PRKAG2: variants seen among roughly 807,000 people sequenced by gnomAD.
PRKAG2 encodes the protein protein kinase AMP-activated non-catalytic subunit gamma 2, also known as 5'-AMP-activated protein kinase subunit gamma-2.
Under a neutral mutation model 69.6 loss-of-function variants are expected in PRKAG2, and 26 were observed. The ratio of observed to expected loss-of-function variants is 0.37; its 90% confidence interval spans 0.27 to 0.52. PRKAG2 has a LOEUF of 0.52. Among genes scored for constraint, PRKAG2 ranks in the 20% least tolerant of loss-of-function variants. PRKAG2 has a pLI of 0.90. For synonymous variants in PRKAG2, 293 were observed against 285.0 expected (o/e 1.03, Z -0.28); for missense variants, 557 against 740.0 (o/e 0.75, Z 2.87).
chr7:151,557,805 G>A (rs1455564638), intron 15 of PRKAG2: 18 of 690,816 alleles, frequency 2.6e-5, no homozygotes, highest in Non-Finnish European at 3.0e-5. Context: ...GGGAGGTGGA[G>A]GTTGCAGTGA....
intron 1 of PRKAG2, among the ~76,000 whole-genome samples, chr7:151,799,101 C>T (rs1342812953): frequency 6.6e-6 from 1 of 152,210 alleles, no homozygotes; most frequent in Non-Finnish European, 1.5e-5. Flanking sequence ...GGTGCCCTCA[C>T]CTCTAGCGCC....
intron 1 of PRKAG2, among the ~76,000 whole-genome samples, chr7:151,833,584 C>T (rs562446274): frequency 7.2e-5 from 11 of 152,300 alleles, no homozygotes; most frequent in Admixed American, 3.3e-4. Flanking sequence ...GCTCTTAAGC[C>T]GATGGACGCT....
intron 1 of PRKAG2, among the ~76,000 whole-genome samples, chr7:151,812,740 C>T (rs1326880153): frequency 1.3e-5 from 2 of 152,220 alleles, no homozygotes; most frequent in Admixed American, 6.5e-5. Context: ...CCACCACCCA[C>T]CCCACTCCCA....
At chr7:151,722,158 T>C (rs918724407) in intron 3 of PRKAG2, among the ~76,000 whole-genome samples, 9 of 152,190 alleles carry the variant, frequency 5.9e-5, no homozygotes, top group Admixed American at 1.3e-4. Flanking sequence ...GTTGGCTCTC[T>C]CATTTACCCC....
chr7:151,611,049 C>T (rs1818714194), intron 5 of PRKAG2, among the ~76,000 whole-genome samples: 1 of 152,124 alleles, frequency 6.6e-6, no homozygotes, highest in Admixed American at 6.5e-5. Context: ...GCCACCACAC[C>T]CAGCCAATAT....
At chr7:151,726,553 G>A (rs981241237) in intron 3 of PRKAG2, among the ~76,000 whole-genome samples, 4 of 152,080 alleles carry the variant, frequency 2.6e-5, no homozygotes, top group Admixed American at 6.5e-5. Context: ...TGGAAACCAC[G>A]GTGTCCATTA....
At chr7:151,708,278 T>C (rs1217535117) in intron 3 of PRKAG2, among the ~76,000 whole-genome samples, 4 of 152,124 alleles carry the variant, frequency 2.6e-5, no homozygotes, top group Non-Finnish European at 4.4e-5. Flanking sequence ...CTTACTAGAC[T>C]CTGAAAGGCC....
intron 3 of PRKAG2, among the ~76,000 whole-genome samples, chr7:151,692,032 A>T (rs190637100): frequency 2.6e-4 from 39 of 152,212 alleles, no homozygotes; most frequent in African/African-American, 3.6e-4. Flanking sequence ...ACAAAAAATT[A>T]AAAAAGTTGG....
At position 151,632,579 on chromosome 7, in the gene PRKAG2, C is replaced by T. The variant is rs1390567289; in HGVS notation, c.685-441G>A. The T allele has an allele frequency of 3.0e-6, 3 of 983,802 alleles. No homozygotes were observed. The highest frequency in any genetic ancestry group is 3.6e-6 in the Non-Finnish European group (3 of 828,872). The allele number at this position is 983,802 out of a possible 1,614,324, so 60.9% of individuals were successfully genotyped here. A position where few individuals can be genotyped will look rare whatever the true frequency, so the allele number is the denominator to read the frequency against. ...CCCCCGGCGCCGCTCACCTTCCCAG[C>T]ACCGGCGGCCGCGCTCGGCAGGCTC... On this transcript the variant is annotated intron_variant, in intron 4 of 15. Transcript: ENST00000287878. The surrounding 1 kb of genome is among the most constrained non-coding windows in gnomAD (Gnocchi z 4.2).
At chr7:151,685,010 C>A (rs1344152781) in intron 3 of PRKAG2, among the ~76,000 whole-genome samples, 1 of 152,200 alleles carries the variant, frequency 6.6e-6, no homozygotes, top group Non-Finnish European at 1.5e-5. Context: ...GGTATCAGTA[C>A]CACTTAGGCC....
intron 3 of PRKAG2, among the ~76,000 whole-genome samples, chr7:151,772,597 T>C (rs925181639): frequency 6.6e-6 from 1 of 152,238 alleles, no homozygotes; most frequent in Non-Finnish European, 1.5e-5. Context: ...TTGCACCTTC[T>C]AGAAAGGCCT....
At chr7:151,622,940 T>C (rs1821879535) in intron 5 of PRKAG2, among the ~76,000 whole-genome samples, 1 of 152,086 alleles carries the variant, frequency 6.6e-6, no homozygotes, top group African/African-American at 2.4e-5. Flanking sequence ...TCCCAGGCCC[T>C]CTAATGCAGT....
intron 1 of PRKAG2, among the ~76,000 whole-genome samples, chr7:151,792,840 C>T (rs900822006): frequency 3.3e-5 from 5 of 152,232 alleles, no homozygotes; most frequent in Admixed American, 1.3e-4. Context: ...CCATCTGGAG[C>T]TGCTGGGCCT....
chr7:151,867,455 A>G (rs894870600), intron 1 of PRKAG2, among the ~76,000 whole-genome samples: 1 of 152,066 alleles, frequency 6.6e-6, no homozygotes, highest in African/African-American at 2.4e-5. Flanking sequence ...GCAGCTCTGC[A>G]ATCTCTGCCT....
At chr7:151,574,820 A>C (rs1808501016) in intron 8 of PRKAG2, 71 bp downstream of exon 8, 2 of 1,583,808 alleles carry the variant, frequency 1.3e-6, no homozygotes, top group East Asian at 2.2e-5. Context: ...CTTAAAATAC[A>C]CACATATACC....
At chr7:151,849,579 C>T (rs1315827828) in intron 1 of PRKAG2, among the ~76,000 whole-genome samples, 1 of 152,188 alleles carries the variant, frequency 6.6e-6, no homozygotes, top group African/African-American at 2.4e-5. Context: ...TTCTGCAGGC[C>T]TGAAGTCCAA....
At chr7:151,724,680 G>A (rs1797644413) in intron 3 of PRKAG2, among the ~76,000 whole-genome samples, 2 of 149,806 alleles carry the variant, frequency 1.3e-5, no homozygotes, top group Non-Finnish European at 2.9e-5. Context: ...CGGACCCTGC[G>A]CAGGATTCCA....
intron 1 of PRKAG2, among the ~76,000 whole-genome samples, chr7:151,793,548 G>A (rs952781788): frequency 1.3e-5 from 2 of 152,090 alleles, no homozygotes; most frequent in East Asian, 1.9e-4. Context: ...CCCGAGGCCC[G>A]CGGTTCCCAC....
chr7:151,876,252 C>T (rs2080400945), intron 1 of PRKAG2, among the ~76,000 whole-genome samples: 1 of 151,820 alleles, frequency 6.6e-6, no homozygotes, highest in Non-Finnish European at 1.5e-5. Flanking sequence ...CCCGGCGCCC[C>T]CTCTAGTCTG....
Sources: gnomAD v4.1 joint callset for allele counts (sites outside exome capture counted in the v4.1 genomes callset) on GRCh38, gnomAD v4.1.1 for gene constraint, Gnocchi (gnomAD v3.1) non-coding constraint, MANE v1.5 for transcripts, NCBI Gene and HGNC (gene_info 2026-07-23, HGNC 2026-07-21) for gene names.